STK32B: variants seen among roughly 807,000 people sequenced by gnomAD.
STK32B encodes serine/threonine kinase 32B, also known as serine/threonine-protein kinase 32B.
A neutral mutation model predicts 52.6 loss-of-function variants in STK32B; 43 were observed. The observed-to-expected ratio is 0.82, with a 90% CI of 0.64 to 1.05. The LOEUF (loss-of-function observed/expected upper bound fraction) is 1.05, where lower values mean the gene tolerates loss of function less well. Among genes scored for constraint, STK32B ranks in the 50% least tolerant of loss-of-function variants. The probability of loss-of-function intolerance (pLI) is 0.00; values close to 1 mark genes in which losing one functional copy is unlikely to be tolerated. For synonymous variants in STK32B, 238 were observed against 204.3 expected, an observed-to-expected ratio of 1.17 and a Z score of -1.41; for missense variants, 621 against 534.6, an observed-to-expected ratio of 1.16 and a Z score of -1.59.
At chr4:5,341,633 C>T (rs1733083617) in intron 4 of STK32B, among the ~76,000 whole-genome samples, 1 of 152,134 alleles carries the variant, frequency 6.6e-6, no homozygotes, top group Non-Finnish European at 1.5e-5. Flanking sequence ...TAAAGAAATA[C>T]ATGAGACTGA....
rs1190792020 is a variant in STK32B at position 5,395,138 on chromosome 4, A to G, written c.435-3069A>G. ...CACTCTTCCTCCCAGGGACAGCTAC[A>G]TTCCCCACCGTGTGGCTGGCTCCAC... is the stretch of plus-strand genomic sequence containing the variant. On this transcript the variant is annotated intron_variant, in intron 4 of 11. Transcript: ENST00000282908. This position sits in a 1 kb window ranked among gnomAD's most constrained non-coding sequence, Gnocchi z 4.4. 3.9e-5 allele frequency among the ~76,000 whole-genome samples: 6 copies of G among 152,100 alleles called. No homozygotes were observed. Among genetic ancestry groups the G allele is most frequent in the African/African-American group, 1.4e-4 (6 of 41,414 alleles).
chr4:5,317,907 A>G (rs1000005333), intron 3 of STK32B, among the ~76,000 whole-genome samples: 5 of 152,132 alleles, frequency 3.3e-5, no homozygotes, highest in African/African-American at 1.2e-4. Flanking sequence ...CAGCATCAAC[A>G]TCACCTGAAA....
At chr4:5,368,171 A>G (rs1309560629) in intron 4 of STK32B, among the ~76,000 whole-genome samples, 1 of 151,874 alleles carries the variant, frequency 6.6e-6, no homozygotes, top group Non-Finnish European at 1.5e-5. Context: ...GACATCCTCT[A>G]CCCGGAGGTG....
chr4:5,099,780 C>A (rs550514826), intron 1 of STK32B, among the ~76,000 whole-genome samples: 2 of 152,094 alleles, frequency 1.3e-5, no homozygotes, highest in African/African-American at 4.8e-5. Context: ...CTTCTAGGGA[C>A]AGCAGGCACA....
At chr4:5,361,216 T>G (rs926499576) in intron 4 of STK32B, among the ~76,000 whole-genome samples, 1 of 152,232 alleles carries the variant, frequency 6.6e-6, no homozygotes, top group Non-Finnish European at 1.5e-5. Flanking sequence ...ATCCATTCGT[T>G]GGTCAATGGA....
intron 3 of STK32B, among the ~76,000 whole-genome samples, chr4:5,184,684 C>CAAAAAAAAAAAAAAAA (rs1553846538): frequency 9.5e-6 from 1 of 105,408 alleles, no homozygotes; most frequent in Non-Finnish European, 2.0e-5. Context: ...GAGACTGTCT[C>CAAAAAAAAAAAAAAAA]AAAAAAAAAA....
At chr4:5,250,300 G>C (rs1242090631) in intron 3 of STK32B, among the ~76,000 whole-genome samples, 1 of 140,636 alleles carries the variant, frequency 7.1e-6, no homozygotes, top group Admixed American at 7.2e-5. Flanking sequence ...TGGTAATTCT[G>C]TTTTAAGTTC....
chr4:5,271,479 C>T (rs530526150), intron 3 of STK32B, among the ~76,000 whole-genome samples: 54 of 151,544 alleles, frequency 3.6e-4, no homozygotes, highest in African/African-American at 1.1e-3. Flanking sequence ...ATTGACTTGG[C>T]GATGCGGGCT....
chr4:5,279,835 C>T (rs1360659516), intron 3 of STK32B, among the ~76,000 whole-genome samples: 1 of 152,206 alleles, frequency 6.6e-6, no homozygotes, highest in African/African-American at 2.4e-5. Context: ...ACAGCCCAAG[C>T]TGTACCTTTG....
intron 3 of STK32B, among the ~76,000 whole-genome samples, chr4:5,183,169 T>G (rs1577155102): frequency 6.6e-6 from 1 of 152,096 alleles, no homozygotes; most frequent in South Asian, 2.1e-4. Flanking sequence ...AGTCGGCCTG[T>G]TTTTTGAAGC....
chr4:5,417,003 G>C lies in STK32B; in HGVS notation c.562+69G>C, dbSNP rs116022263. On this transcript the variant is annotated intron_variant, in intron 6 of 11. Coordinates refer to ENST00000282908, the MANE Select transcript of STK32B (RefSeq NM_018401.3). ...GCCTAAGACTCAGCATCCTTCTCTTGTTTCATCTGCCACTGCCCGCTGCCA... is the reference window on the plus strand; with the variant it reads ...GCCTAAGACTCAGCATCCTTCTCTTCTTTCATCTGCCACTGCCCGCTGCCA... 5.2e-3 allele frequency: 7,337 copies of C among 1,420,310 alleles called. 316 individuals carry two copies. In the African/African-American group the frequency reaches 0.089, roughly 17 times the overall value. 88.0% of individuals were successfully genotyped at this position (1,420,310 alleles called of 1,614,324 possible). A position where few individuals can be genotyped will look rare whatever the true frequency, so the allele number is the denominator to read the frequency against.
At chr4:5,173,373 C>T (rs1253922023) in intron 3 of STK32B, among the ~76,000 whole-genome samples, 1 of 152,054 alleles carries the variant, frequency 6.6e-6, no homozygotes, top group Non-Finnish European at 1.5e-5. Flanking sequence ...TCTTGCTTCT[C>T]TAGTTCTTTT....
At chr4:5,310,862 A>T (rs1180970873) in intron 3 of STK32B, among the ~76,000 whole-genome samples, 1 of 152,220 alleles carries the variant, frequency 6.6e-6, no homozygotes, top group African/African-American at 2.4e-5. Context: ...TTTAGCCATA[A>T]AAAATGAAAT....
At chr4:5,249,274 G>GATAT (rs1374445152) in intron 3 of STK32B, among the ~76,000 whole-genome samples, 3 of 151,968 alleles carry the variant, frequency 2.0e-5, no homozygotes, top group Non-Finnish European at 4.4e-5. Context: ...TCAAATATAA[G>GATAT]ATATATATAG....
At chr4:5,245,021 T>A (rs906377891) in intron 3 of STK32B, among the ~76,000 whole-genome samples, 2 of 152,168 alleles carry the variant, frequency 1.3e-5, no homozygotes, top group Non-Finnish European at 2.9e-5. Context: ...TTGGAATAGG[T>A]GTGGTGCTGA....
At position 5,254,021 on chromosome 4, in the gene STK32B, G is replaced by A. The variant is rs556454284; in HGVS notation, c.261-77199G>A. Among the ~76,000 whole-genome samples the A allele has an allele frequency of 8.7e-4, 132 of 152,078 alleles. 1 individual carries two copies. Among genetic ancestry groups the A allele is most frequent in the African/African-American group, 3.0e-3 (124 of 41,486 alleles). On this transcript the variant is annotated intron_variant, in intron 3 of 11. Coordinates refer to ENST00000282908, the MANE Select transcript of STK32B (RefSeq NM_018401.3). ...AGGCTGGTCTTGAACTCCTGACCTCGTGATCCACCCGCCTCAGCCTCCCAA... is the reference window on the plus strand; with the variant it reads ...AGGCTGGTCTTGAACTCCTGACCTCATGATCCACCCGCCTCAGCCTCCCAA...
At position 5,489,621 on chromosome 4, in the gene STK32B, A is replaced by ATTTTTTTTTTTTTTTTTTTT. The variant is rs1193462359; in HGVS notation, c.1107-9318_1107-9317insTTTTTTTTTTTTTTTTTTTT. Among the ~76,000 whole-genome samples, 5 of 151,588 alleles carry ATTTTTTTTTTTTTTTTTTTT rather than the reference A, an allele frequency of 3.3e-5. No homozygotes were observed. The East Asian group carries it at 6.0e-4, about 18-fold the overall frequency. ...ACAACAATTTTATTTTATTTTATTT[A>ATTTTTTTTTTTTTTTTTTTT]TTTTTTATTATTTTTTTTGAGATGG... On this transcript the variant is annotated intron_variant, in intron 11 of 11. Transcript: ENST00000282908.
At chr4:5,397,428 G>A (rs1736990488) in intron 4 of STK32B, among the ~76,000 whole-genome samples, 1 of 152,166 alleles carries the variant, frequency 6.6e-6, no homozygotes, top group Non-Finnish European at 1.5e-5. Flanking sequence ...CAAAGCCTCA[G>A]CCTTCAGAAT....
At chr4:5,317,202 T>TAATATACATATAACA (rs545701971) in intron 3 of STK32B, among the ~76,000 whole-genome samples, 2 of 45,186 alleles carry the variant, frequency 4.4e-5, no homozygotes, top group African/African-American at 3.4e-4. Flanking sequence ...CATATATATA[T>TAATATACATATAACA]TATATATATA....
Sources: allele counts gnomAD v4.1 joint callset (sites outside exome capture counted in the v4.1 genomes callset), GRCh38; gene constraint gnomAD v4.1.1; non-coding constraint Gnocchi (gnomAD v3.1); transcripts MANE v1.5; gene names NCBI Gene and HGNC (gene_info 2026-07-23, HGNC 2026-07-21).